The following ACYP2 variants were observed in gnomAD, a reference collection of about 807,000 sequenced individuals.
ACYP2 encodes acylphosphatase 2.
ACYP2 carries 12 observed loss-of-function variants against 11.2 expected under a neutral mutation model. The observed-to-expected ratio is 1.08, with a 90% confidence interval of 0.69 to 1.74. The LOEUF (loss-of-function observed/expected upper bound fraction) is 1.74, where lower values mean the gene tolerates loss of function less well. ACYP2 is among the 40% of genes most tolerant of loss of function. The pLI is 0.00. For missense variants in ACYP2, 134 were observed against 101.9 expected, an observed-to-expected ratio of 1.31 and a Z score of -1.35; for synonymous variants, 43 against 32.2, an observed-to-expected ratio of 1.33 and a Z score of -1.13.
intron 2 of ACYP2, among the ~76,000 whole-genome samples, chr2:54,022,218 T>C (rs1674043554): frequency 6.6e-6 from 1 of 152,156 alleles, no homozygotes; most frequent in Non-Finnish European, 1.5e-5. Flanking sequence ...TTTTCTTTTG[T>C]TAAATTATTT....
In ACYP2 at chr2:53,986,144, T is replaced by A. The variant is rs530060503; in HGVS notation, c.62+12334T>A. ...TCCATCTCAAAAATAATAATAATAA[T>A]AAAAATAAATAAATAAAATAAAATA... On this transcript the variant is annotated intron_variant, in intron 2 of 6. Coordinates refer to ENST00000607452, the MANE Select transcript of ACYP2 (RefSeq NM_001320586.2). 2.5e-3 allele frequency among the ~76,000 whole-genome samples: 382 copies of A among 151,528 alleles called. 1 individual carries two copies. The highest frequency in any genetic ancestry group is 4.7e-3 in the Non-Finnish European group (319 of 67,870).
chr2:54,199,478 C>T (rs1684661945), intron 6 of ACYP2, among the ~76,000 whole-genome samples: 1 of 152,202 alleles, frequency 6.6e-6, no homozygotes, highest in East Asian at 1.9e-4. Flanking sequence ...GCACAGGCTA[C>T]ACACCCATGA....
chr2:54,116,154 C>G (rs1443105364), intron 4 of ACYP2, among the ~76,000 whole-genome samples: 1 of 152,136 alleles, frequency 6.6e-6, no homozygotes, highest in African/African-American at 2.4e-5. Context: ...AGGAAGGACA[C>G]TTAGATGGTT....
intron 6 of ACYP2, among the ~76,000 whole-genome samples, chr2:54,301,743 T>A (rs944829960): frequency 6.6e-6 from 1 of 152,170 alleles, no homozygotes; most frequent in African/African-American, 2.4e-5. Flanking sequence ...TGAAATTTTG[T>A]GACTATTTTT....
intron 6 of ACYP2, among the ~76,000 whole-genome samples, chr2:54,265,782 T>G (rs1416690443): frequency 5.3e-5 from 8 of 152,240 alleles, no homozygotes; most frequent in Non-Finnish European, 1.2e-4. Flanking sequence ...CCCAGTTTCC[T>G]TATCTGTAAA....
chr2:54,214,460 C>T (rs1326302085), intron 6 of ACYP2, among the ~76,000 whole-genome samples: 1 of 152,204 alleles, frequency 6.6e-6, no homozygotes, highest in Non-Finnish European at 1.5e-5. Context: ...CTGCATATGG[C>T]TAGCCAGTTA....
chr2:54,187,203 G>A (rs1245466669), intron 6 of ACYP2, among the ~76,000 whole-genome samples: 1 of 152,170 alleles, frequency 6.6e-6, no homozygotes, highest in Non-Finnish European at 1.5e-5. Flanking sequence ...CAGAAGGAAG[G>A]AAGAAAGGCT....
intron 6 of ACYP2, among the ~76,000 whole-genome samples, chr2:54,224,193 C>T (rs1032294483): frequency 6.6e-6 from 1 of 152,188 alleles, no homozygotes; most frequent in African/African-American, 2.4e-5. Context: ...AATGCCCCAC[C>T]CAGGCCTCAT....
At chr2:54,258,644 T>C (rs1323628278) in intron 6 of ACYP2, among the ~76,000 whole-genome samples, 1 of 152,200 alleles carries the variant, frequency 6.6e-6, no homozygotes, top group South Asian at 2.1e-4. Context: ...GGGGGATCTT[T>C]TGGGAGGCTA....
chr2:54,009,217 A>G (rs1673235183), intron 2 of ACYP2, among the ~76,000 whole-genome samples: 1 of 152,090 alleles, frequency 6.6e-6, no homozygotes, highest in Non-Finnish European at 1.5e-5. Context: ...GTGGTTTTGA[A>G]TACTATTGTG....
chr2:54,174,857 C>G (rs186958336), intron 6 of ACYP2, among the ~76,000 whole-genome samples: 1 of 152,256 alleles, frequency 6.6e-6, no homozygotes, highest in East Asian at 1.9e-4. Context: ...AACCAGCCAG[C>G]CTTGCATCCC....
intron 6 of ACYP2, among the ~76,000 whole-genome samples, chr2:54,149,871 G>A (rs150467977): frequency 8.5e-4 from 129 of 152,258 alleles, no homozygotes; most frequent in African/African-American, 2.8e-3. Context: ...GAATTTAGCT[G>A]GAGAAAAAAT....
chr2:54,054,459 T>C (rs906575598), intron 3 of ACYP2, among the ~76,000 whole-genome samples: 3 of 152,220 alleles, frequency 2.0e-5, no homozygotes, highest in South Asian at 2.1e-4. Context: ...TGCTGACAGA[T>C]TGATCTTGTT....
chr2:54,203,416 A>G (rs1684937968), intron 6 of ACYP2, among the ~76,000 whole-genome samples: 1 of 148,452 alleles, frequency 6.7e-6, no homozygotes, highest in Non-Finnish European at 1.5e-5. Context: ...GCAAATAGAG[A>G]TAGTTTTACT....
At chr2:54,062,029 G>C (rs191406650) in intron 4 of ACYP2, among the ~76,000 whole-genome samples, 41 of 152,142 alleles carry the variant, frequency 2.7e-4, no homozygotes, top group African/African-American at 9.4e-4. Context: ...AAAGTGTTTT[G>C]CGTAAGTTGC....
intron 6 of ACYP2, among the ~76,000 whole-genome samples, chr2:54,276,070 G>T (rs572462924): frequency 2.0e-5 from 3 of 152,158 alleles, no homozygotes; most frequent in Non-Finnish European, 4.4e-5. Flanking sequence ...CCTTTAAAGA[G>T]ATTACAATTA....
chr2:54,121,449 C>A (rs558616645), intron 4 of ACYP2, among the ~76,000 whole-genome samples: 1 of 152,158 alleles, frequency 6.6e-6, no homozygotes, highest in Non-Finnish European at 1.5e-5. Context: ...GAGACCTGTC[C>A]CTGTCTACCG....
At chr2:54,054,187 G>A (rs1413937354) in intron 3 of ACYP2, among the ~76,000 whole-genome samples, 2 of 152,154 alleles carry the variant, frequency 1.3e-5, no homozygotes, top group Admixed American at 6.5e-5. Context: ...CTAGACTTCT[G>A]CCTACAATGG....
At chr2:54,167,019 AT>A (rs1683006656) in intron 6 of ACYP2, 1 of 148,212 alleles carries the variant, frequency 6.7e-6, no homozygotes, top group African/African-American at 2.5e-5. Flanking sequence ...TTTTTTTTTA[AT>A]GCTTCAGGCA....
Sources: allele counts gnomAD v4.1 joint callset (sites outside exome capture counted in the v4.1 genomes callset), GRCh38; gene constraint gnomAD v4.1.1; transcripts MANE v1.5; gene names NCBI Gene and HGNC (gene_info 2026-07-23, HGNC 2026-07-21).